Variants in SLC39A4 observed in about 807,000 individuals in gnomAD.
SLC39A4 encodes zinc transporter ZIP4.
A neutral mutation model predicts 56.6 loss-of-function variants in SLC39A4; 49 were observed. The ratio of observed to expected loss-of-function variants is 0.87; its 90% CI spans 0.69 to 1.10. The LOEUF (loss-of-function observed/expected upper bound fraction) is 1.10, where lower values mean the gene tolerates loss of function less well. Among genes scored for constraint, SLC39A4 ranks in the 50% least tolerant of loss-of-function variants. The pLI is 0.00. For synonymous variants in SLC39A4, 540 were observed against 420.4 expected, an observed-to-expected ratio of 1.28 and a Z score of -3.48; for missense variants, 993 against 864.2, an observed-to-expected ratio of 1.15 and a Z score of -1.87.
chr8:144,414,162 G>C, intron 6 of SLC39A4, 67 bp from the exon 7 acceptor site: 1 of 1,563,824 alleles, frequency 6.4e-7, no homozygotes, highest in Non-Finnish European at 8.7e-7. Context: ...CCCAGGGAGA[G>C]GGGTCAGGAG....
In SLC39A4 at chr8:144,415,948, C is replaced by G; in HGVS notation, c.336G>C (p.Glu112Asp). ...AGGCCCAGAGGCCAGCCCGAGCGTC[C>G]TCACAGGTGCCCTCGGGGTTGCTGA... ...LYLSNPEGTC[E>D]DARAGLWASH... is the part of the protein sequence containing the mutation. The change falls in exon 2 of 12, where the codon GAG (glutamate) becomes GAC (aspartate). Residue 112 changes from glutamate to aspartate, a missense_variant. Glu to Asp is a conservative substitution (Grantham distance 45). Coordinates refer to ENST00000301305, the MANE Select transcript of SLC39A4 (RefSeq NM_130849.4). 1.3e-6 allele frequency: 2 copies of G among 1,594,964 alleles called. No individual in the cohort carries two copies. Among genetic ancestry groups the G allele is most frequent in the Non-Finnish European group, 1.7e-6 (2 of 1,173,294 alleles).
intron 11 of SLC39A4, 25 bp from the exon 12 acceptor site, chr8:144,412,691 C>T: frequency 6.2e-7 from 1 of 1,613,578 alleles, no homozygotes. Context: ...GGCACCGGGT[C>T]AGCGCCCCTG....
chr8:144,415,708 C>T, intron 2 of SLC39A4, 102 bp downstream of exon 2: 2 of 1,430,628 alleles, frequency 1.4e-6, no homozygotes, highest in Admixed American at 5.3e-5. Flanking sequence ...GGGCGTCTCC[C>T]CAGGCCCCCA....
Position 144,415,861 on chromosome 8 carries a change from G to C in SLC39A4, c.423C>G (p.Ser141Arg), listed in dbSNP as rs782392438. 6.3e-7 allele frequency: 1 copy of C among 1,597,942 alleles called. No homozygotes were observed. Among genetic ancestry groups the C allele is most frequent in the East Asian group, 2.2e-5 (1 of 44,588 alleles). The change falls in exon 2 of 12, where the codon AGC becomes AGG. Residue 141 changes from serine (S) to arginine (R), a missense_variant. Ser to Arg is a moderately radical substitution (Grantham distance 110). Coordinates refer to ENST00000301305, the MANE Select transcript of SLC39A4 (RefSeq NM_130849.4). The stretch of plus-strand genomic sequence containing the variant: ...GGGCCTGCATCCTCTGCAGCAGCCA[G>C]CTCAGGCCCGGGGTCAGGGCCTTGG... ...ESPKALTPGL[S>R]WLLQRMQARA...
At chr8:144,415,197 C>G (rs1213824408) in intron 3 of SLC39A4, 30 bp downstream of exon 3, 3 of 1,612,492 alleles carry the variant, frequency 1.9e-6, no homozygotes, top group Middle Eastern at 3.3e-4. Flanking sequence ...CTCGGGGGTG[C>G]CCCCCTCCAC....
chr8:144,416,330 G>T (rs1319066761), intron 1 of SLC39A4: 7 of 1,477,162 alleles, frequency 4.7e-6, no homozygotes, highest in Non-Finnish European at 6.3e-6. Context: ...CTCCCCTGGA[G>T]CCACTGCCAA....
rs782243870 is a variant in SLC39A4 at position 144,413,985 on chromosome 8, G to A, written c.1260C>T (p.Phe420=). Residue 420 remains phenylalanine (F), a synonymous_variant, in exon 7 of 12, where the codon TTC becomes TTT. Coordinates refer to ENST00000301305, the MANE Select transcript of SLC39A4 (RefSeq NM_130849.4). ...CCGGGTCCCTGGGCAGCAGGAGATT[G>A]AAGAGGTTCTCAAACAGGAAGAAGG... ...LYAFFLFENL[F]NLLLPRDPED... The A allele has an allele frequency of 6.2e-7, 1 of 1,609,486 alleles. No individual in the cohort carries two copies. The highest frequency in any genetic ancestry group is 8.5e-7 in the Non-Finnish European group (1 of 1,178,110).
chr8:144,415,782 C>T (rs1554873760), intron 2 of SLC39A4, 28 bp downstream of exon 2: 1 of 1,583,214 alleles, frequency 6.3e-7, no homozygotes. Context: ...CTCACCCACT[C>T]CCCTGGTCTG....
At chr8:144,416,404 T>TC in intron 1 of SLC39A4, 194 bp downstream of exon 1, 2 of 1,445,884 alleles carry the variant, frequency 1.4e-6, no homozygotes, top group South Asian at 2.9e-5. Flanking sequence ...AGGGACTGTG[T>TC]CCCTGGAAAG....
chr8:144,415,001 G>A lies in SLC39A4; in HGVS notation c.777C>T (p.Ser259=). The change falls in exon 4 of 12, where the codon TCC becomes TCT. Residue 259 remains serine, a synonymous_variant. Coordinates refer to ENST00000301305, the MANE Select transcript of SLC39A4 (RefSeq NM_130849.4). ...TGTCCCACACACTGGAGCTGTTGCT[G>A]GAGCTGATGAGGGGCACAGGGTCCC... ...SSRDPVPLIS[S]SNSSSVWDTV... 1 of 1,612,342 alleles carries A rather than the reference G, an allele frequency of 6.2e-7. No individual in the cohort carries two copies. Among genetic ancestry groups the A allele is most frequent in the Non-Finnish European group, 8.5e-7 (1 of 1,179,962 alleles).
rs538150339 is a variant in SLC39A4 at position 144,415,664 on chromosome 8, C to G, written c.474+146G>C. ...CTCCCAACTGCCCAGTAGTGAGCCC[C>G]ACGTTGTGAATCCCCAGCCGCAGGC... On this transcript the variant is annotated intron_variant, in intron 2 of 11. Coordinates refer to ENST00000301305, the MANE Select transcript of SLC39A4 (RefSeq NM_130849.4). 1.5e-4 allele frequency: 187 copies of G among 1,281,580 alleles called. 1 individual carries two copies. The highest frequency in any genetic ancestry group is 1.7e-4 in the Non-Finnish European group (162 of 959,060). The allele number at this position is 1,281,580 out of a possible 1,614,324, so 79.4% of individuals were successfully genotyped here. A position where few individuals can be genotyped will look rare whatever the true frequency, so the allele number is the denominator to read the frequency against.
chr8:144,415,309 G>T lies in SLC39A4; in HGVS notation c.585C>A (p.Cys195Ter). The T allele has an allele frequency of 6.2e-7, 1 of 1,613,084 alleles. No homozygotes were observed. Among genetic ancestry groups the T allele is most frequent in the South Asian group, 1.1e-5 (1 of 91,086 alleles). Residue 195 changes from cysteine to a stop codon, truncating the protein, a stop_gained, in exon 3 of 12, where the codon TGC becomes TGA. Coordinates refer to ENST00000301305, the MANE Select transcript of SLC39A4 (RefSeq NM_130849.4). LOFTEE classifies it high-confidence loss of function. ...ACTGAGGGCTCGGCAAGGCGTGGAAGCAAGACCCGCTCCTGACATGGTCCA... is the reference window on the plus strand; with the variant it reads ...ACTGAGGGCTCGGCAAGGCGTGGAATCAAGACCCGCTCCTGACATGGTCCA... ...ALLDHVRSGS[C>*]FHALPSPQYF...
intron 11 of SLC39A4, 31 bp from the exon 12 acceptor site, chr8:144,412,697 C>T (rs782033558): frequency 1.2e-6 from 2 of 1,613,576 alleles, no homozygotes; most frequent in South Asian, 2.2e-5. Context: ...GGGTCAGCGC[C>T]CCTGCTCAGC....
intron 1 of SLC39A4, 99 bp downstream of exon 1, chr8:144,416,499 G>A (rs1041661957): frequency 8.7e-5 from 130 of 1,493,704 alleles, no homozygotes; most frequent in Admixed American, 2.9e-4. Flanking sequence ...AGCCTCCTCC[G>A]CCTCCTGGAG....
Position 144,412,919 on chromosome 8 carries a change from C to A in SLC39A4, c.1655G>T (p.Gly552Val). 1 of 1,606,940 alleles carries A rather than the reference C, an allele frequency of 6.2e-7. No homozygotes were observed. The highest frequency in any genetic ancestry group is 8.5e-7 in the Non-Finnish European group (1 of 1,179,268). Residue 552 changes from glycine to valine, a missense_variant, in exon 11 of 12, where the codon GGG becomes GTG. Coordinates refer to ENST00000301305, the MANE Select transcript of SLC39A4 (RefSeq NM_130849.4). The part of the protein sequence containing the change: ...LGDFAALLHA[G>V]LSVRQALLLN... ...CAGCAGTGCTTGGCGCACGGACAGC[C>A]CCGCGTGCAGCAAGGCGGCGAAGTC...
intron 11 of SLC39A4, 42 bp from the exon 12 acceptor site, chr8:144,412,708 T>A (rs781948528): frequency 6.2e-7 from 1 of 1,613,324 alleles, no homozygotes; most frequent in South Asian, 1.1e-5. Flanking sequence ...CCTGCTCAGC[T>A]CCTCTGCTCA....
rs1176567447 is a variant in SLC39A4 at position 144,413,593 on chromosome 8, G to T, written c.1420-26C>A. 5 of 1,549,506 alleles carry T rather than the reference G, an allele frequency of 3.2e-6. No homozygotes were observed. The African/African-American group carries it at 5.5e-5, about 17-fold the overall frequency. ...CTGGGAGGAGCCTTGAGTAAGTCCC[G>T]CCCGGAAGTGGAGGAGGAACGCGGT... On this transcript the variant is annotated intron_variant, in intron 8 of 11. Coordinates refer to ENST00000301305, the MANE Select transcript of SLC39A4 (RefSeq NM_130849.4).
In SLC39A4 at chr8:144,414,115, G is replaced by A. The variant is rs782359006; in HGVS notation, c.1150-20C>T. ...CAGCACCTGGGGAGTAGGGGCGCTG[G>A]GCTGGGGGGGAGGTCCCAGGGCGCC... On this transcript the variant is annotated intron_variant, in intron 6 of 11. Transcript: ENST00000301305. The A allele has an allele frequency of 1.3e-6, 2 of 1,554,666 alleles. No homozygotes were observed. Among genetic ancestry groups the A allele is most frequent in the African/African-American group, 2.7e-5 (2 of 73,530 alleles).
In SLC39A4 at chr8:144,413,352, G is replaced by A; in HGVS notation, c.1512C>T (p.Asp504=). ...GCCCGTCGGCGAAGTTGTGCACGGC[G>A]TCGCCCAGAGTGATCATATAGGGCA... ...RLLPYMITLG[D]AVHNFADGLA... The change falls in exon 10 of 12, where the codon GAC becomes GAT. Residue 504 remains aspartate (D), a synonymous_variant. Coordinates refer to ENST00000301305, the MANE Select transcript of SLC39A4 (RefSeq NM_130849.4). 1 of 1,607,254 alleles carries A rather than the reference G, an allele frequency of 6.2e-7. No homozygotes were observed. Among genetic ancestry groups the A allele is most frequent in the Non-Finnish European group, 8.5e-7 (1 of 1,179,396 alleles).
Sources: allele counts gnomAD v4.1 joint callset, GRCh38; gene constraint gnomAD v4.1.1; transcripts MANE v1.5; gene names NCBI Gene and HGNC (gene_info 2026-07-23, HGNC 2026-07-21).